Variants in ALDH1A2 observed in about 807,000 individuals in gnomAD.
The protein encoded by ALDH1A2 is retinal dehydrogenase 2.
A neutral mutation model predicts 60.3 loss-of-function variants in ALDH1A2; 27 were observed. The observed-to-expected ratio is 0.45, with a 90% CI of 0.33 to 0.62. The LOEUF is 0.62. Among genes scored for constraint, ALDH1A2 ranks in the 20% least tolerant of loss-of-function variants. The pLI is 0.02. For missense variants in ALDH1A2, 581 were observed against 643.8 expected (o/e 0.90, Z 1.06); for synonymous variants, 289 against 232.4 (o/e 1.24, Z -2.21).
chr15:58,039,204 C>T (rs984140900), intron 1 of ALDH1A2, among the ~76,000 whole-genome samples: 1 of 151,714 alleles, frequency 6.6e-6, no homozygotes, highest in Non-Finnish European at 1.5e-5. Flanking sequence ...ACTGGACAAG[C>T]GATGACACAT....
rs35144253 is a variant in ALDH1A2, at chr15:57,984,266, T to C, written c.798+8439A>G. 2.5e-4 allele frequency among the ~76,000 whole-genome samples: 38 copies of C among 152,330 alleles called. No homozygotes were observed. In the East Asian group the frequency reaches 7.1e-3, roughly 29 times the overall value. Reference sequence around the variant, plus strand: ...GCTGTAATAATGTATTCAAAGCATTTAGCAGGTACTTGACACAAAGTAAGT... The same window carrying C: ...GCTGTAATAATGTATTCAAAGCATTCAGCAGGTACTTGACACAAAGTAAGT... On this transcript the variant is annotated intron_variant, in intron 7 of 12. Coordinates refer to ENST00000249750, the MANE Select transcript of ALDH1A2 (RefSeq NM_003888.4).
rs1893441136 is a variant in ALDH1A2, at chr15:57,954,221, G to T, written c.*976C>A. 6.6e-6 allele frequency: 1 copy of T among 152,320 alleles called. No homozygotes were observed. Among genetic ancestry groups the T allele is most frequent in the Admixed American group, 6.5e-5 (1 of 15,282 alleles). The allele number at this position is 152,320 out of a possible 1,614,324, so 9.4% of individuals were successfully genotyped here. A position where few individuals can be genotyped will look rare whatever the true frequency, so the allele number is the denominator to read the frequency against. ...ACCTGCAGCAGTTATTGGTGTAGAG[G>T]TTCAGAAGGTACAGATTCCAACTAC... is the stretch of plus-strand genomic sequence containing the variant. On this transcript the variant is annotated 3_prime_UTR_variant, in exon 13 of 13. Transcript: ENST00000249750.
chr15:58,055,352 AAATAT>A (rs1342541917), intron 1 of ALDH1A2, among the ~76,000 whole-genome samples: 6 of 152,172 alleles, frequency 3.9e-5, no homozygotes, highest in Non-Finnish European at 8.8e-5. Context: ...GTAGCTATTA[AAATAT>A]AACAAGTATT....
chr15:58,009,135 T>A (rs1895549960), intron 4 of ALDH1A2, among the ~76,000 whole-genome samples: 1 of 152,070 alleles, frequency 6.6e-6, no homozygotes, highest in Admixed American at 6.6e-5. Flanking sequence ...TCCTTGGAAG[T>A]CTTGTCTCTA....
intron 3 of ALDH1A2, among the ~76,000 whole-genome samples, chr15:58,012,780 G>A (rs1895671575): frequency 6.6e-6 from 1 of 152,136 alleles, no homozygotes; most frequent in Non-Finnish European, 1.5e-5. Flanking sequence ...TATGGTAGGA[G>A]GGACACTGAG....
chr15:58,055,165 G>A (rs1164104913), intron 1 of ALDH1A2, among the ~76,000 whole-genome samples: 1 of 151,934 alleles, frequency 6.6e-6, no homozygotes, highest in Non-Finnish European at 1.5e-5. Context: ...ATTGAGTCCT[G>A]GAATTGCCAC....
chr15:58,003,695 C>G (rs1895352088), intron 4 of ALDH1A2, among the ~76,000 whole-genome samples: 1 of 151,904 alleles, frequency 6.6e-6, no homozygotes, highest in South Asian at 2.1e-4. Context: ...TCCTTCATCA[C>G]AAAGAGGTTG....
chr15:57,992,610 G>A (rs1894932102), intron 7 of ALDH1A2, 95 bp downstream of exon 7: 1 of 1,131,170 alleles, frequency 8.8e-7, no homozygotes, highest in Non-Finnish European at 1.3e-6. Flanking sequence ...CTGCCCTTTT[G>A]GTGTCTAGCC....
chr15:57,979,154 G>T (rs1236060297), intron 7 of ALDH1A2, among the ~76,000 whole-genome samples: 8 of 152,134 alleles, frequency 5.3e-5, no homozygotes, highest in African/African-American at 1.9e-4. Context: ...TCTGAGGTCT[G>T]TTGGCCTGAG....
intron 3 of ALDH1A2, among the ~76,000 whole-genome samples, chr15:58,012,474 ATGG>A (rs1215437435): frequency 6.6e-6 from 1 of 152,206 alleles, no homozygotes; most frequent in African/African-American, 2.4e-5. Context: ...AGCCAGAAAA[ATGG>A]TGATGAGACT....
intron 1 of ALDH1A2, among the ~76,000 whole-genome samples, chr15:58,025,505 T>C (rs778736799): frequency 1.3e-5 from 2 of 152,116 alleles, no homozygotes; most frequent in Non-Finnish European, 2.9e-5. Context: ...AGCAGCAATA[T>C]TGAATCAGTA....
At position 58,012,990 on chromosome 15, in the gene ALDH1A2, T is replaced by G. The variant is rs35178931; in HGVS notation, c.363+868A>C. 4.3e-3 allele frequency among the ~76,000 whole-genome samples: 648 copies of G among 152,308 alleles called. 6 individuals carry two copies. The highest frequency in any genetic ancestry group is 0.015 in the African/African-American group (627 of 41,550). ...CTTTCAGTTTCCAAAAAGTTTATATTCTCTAAGAAATTGACTTTTATTTTA... is the reference window on the plus strand; with the variant it reads ...CTTTCAGTTTCCAAAAAGTTTATATGCTCTAAGAAATTGACTTTTATTTTA... On this transcript the variant is annotated intron_variant, in intron 3 of 12. Transcript: ENST00000249750.
At chr15:57,976,065 A>G (rs1894245232) in intron 7 of ALDH1A2, among the ~76,000 whole-genome samples, 2 of 152,216 alleles carry the variant, frequency 1.3e-5, no homozygotes, top group Non-Finnish European at 2.9e-5. Context: ...ATTATGCCAT[A>G]TATCTCTTTG....
intron 7 of ALDH1A2, among the ~76,000 whole-genome samples, chr15:57,987,435 C>T (rs906064052): frequency 1.1e-4 from 17 of 152,024 alleles, no homozygotes; most frequent in African/African-American, 3.6e-4. Flanking sequence ...CATTACTTAC[C>T]GTAAAATAAA....
chr15:57,982,672 G>A (rs749343896), intron 7 of ALDH1A2, among the ~76,000 whole-genome samples: 1 of 152,136 alleles, frequency 6.6e-6, no homozygotes, highest in Non-Finnish European at 1.5e-5. Context: ...AATTATCTTT[G>A]CTTATGACAA....
intron 4 of ALDH1A2, among the ~76,000 whole-genome samples, chr15:58,006,229 T>C (rs1025151194): frequency 1.3e-5 from 2 of 151,964 alleles, no homozygotes; most frequent in Admixed American, 6.6e-5. Flanking sequence ...TGCATCCTCA[T>C]AGCTTAGCAC....
chr15:57,988,938 G>A (rs1243654749), intron 7 of ALDH1A2, among the ~76,000 whole-genome samples: 1 of 152,162 alleles, frequency 6.6e-6, no homozygotes, highest in Admixed American at 6.5e-5. Context: ...GGAGGCTGAG[G>A]CTGGTGGATC....
At chr15:57,955,544 A>T (rs543380159) in intron 12 of ALDH1A2, among the ~76,000 whole-genome samples, 5 of 152,362 alleles carry the variant, frequency 3.3e-5, no homozygotes, top group Non-Finnish European at 7.3e-5. Context: ...ACAATACTGC[A>T]CAGACAGGCA....
intron 5 of ALDH1A2, 138 bp from the exon 6 acceptor site, chr15:57,993,211 T>C: frequency 9.6e-7 from 1 of 1,040,882 alleles, no homozygotes; most frequent in Non-Finnish European, 1.4e-6. Context: ...TGTTTGGATT[T>C]TCAATTACTT....
Sources: gnomAD v4.1 joint callset for allele counts (sites outside exome capture counted in the v4.1 genomes callset) on GRCh38, gnomAD v4.1.1 for gene constraint, MANE v1.5 for transcripts, NCBI Gene and HGNC (gene_info 2026-07-23, HGNC 2026-07-21) for gene names.